CACHD1: variants seen among roughly 807,000 people sequenced by gnomAD.
CACHD1 encodes cache domain containing 1.
In CACHD1, 71 loss-of-function variants were observed where a neutral mutation model predicts 138.7. That is an observed-to-expected ratio of 0.51 (90% CI 0.42 to 0.62). The LOEUF (loss-of-function observed/expected upper bound fraction) is 0.62. Among genes scored for constraint, CACHD1 ranks in the 20% least tolerant of loss-of-function variants. The probability of loss-of-function intolerance (pLI) is 0.00; values close to 1 mark genes in which losing one functional copy is unlikely to be tolerated. For missense variants in CACHD1, 1,389 were observed against 1,625.3 expected, an observed-to-expected ratio of 0.85 and a Z score of 2.50; for synonymous variants, 578 against 591.5, an observed-to-expected ratio of 0.98 and a Z score of 0.33.
chr1:64,484,408 C>T (rs1646229383), intron 1 of CACHD1, among the ~76,000 whole-genome samples: 1 of 151,976 alleles, frequency 6.6e-6, no homozygotes, highest in South Asian at 2.1e-4. Context: ...GAAAGAAAGC[C>T]AGGCGGCTGA....
At chr1:64,592,608 G>A (rs1406046025) in intron 3 of CACHD1, among the ~76,000 whole-genome samples, 1 of 152,126 alleles carries the variant, frequency 6.6e-6, no homozygotes, top group Non-Finnish European at 1.5e-5. Context: ...AATTGAGGAT[G>A]GGGAGGTGGA....
intron 14 of CACHD1, chr1:64,664,189 T>A (rs1473907831): frequency 2.2e-6 from 1 of 454,576 alleles, no homozygotes; most frequent in African/African-American, 2.0e-5. Flanking sequence ...AAGTATAAAG[T>A]TTAAGGAACA....
At chr1:64,678,536 A>G (rs1650069699) in intron 23 of CACHD1, among the ~76,000 whole-genome samples, 1 of 152,214 alleles carries the variant, frequency 6.6e-6, no homozygotes, top group African/African-American at 2.4e-5. Flanking sequence ...CCTGGAATTC[A>G]TTCCCATAAA....
At chr1:64,619,515 C>G (rs1647833529) in intron 4 of CACHD1, among the ~76,000 whole-genome samples, 2 of 152,086 alleles carry the variant, frequency 1.3e-5, no homozygotes, top group South Asian at 4.1e-4. Flanking sequence ...ATTACTTTGT[C>G]AGTATTTTAT....
At chr1:64,504,132 G>A (rs1570310954) in intron 1 of CACHD1, among the ~76,000 whole-genome samples, 1 of 152,206 alleles carries the variant, frequency 6.6e-6, no homozygotes, top group African/African-American at 2.4e-5. Flanking sequence ...GGGCTCTAGC[G>A]ATCCTCCCAC....
At chr1:64,605,397 ACTTC>A (rs1217631617) in intron 4 of CACHD1, among the ~76,000 whole-genome samples, 1 of 152,286 alleles carries the variant, frequency 6.6e-6, no homozygotes, top group East Asian at 1.9e-4. Context: ...GGATATTTTT[ACTTC>A]CTTATTAATT....
chr1:64,539,382 G>GC (rs1262766638), intron 1 of CACHD1, among the ~76,000 whole-genome samples: 1 of 151,864 alleles, frequency 6.6e-6, no homozygotes, highest in African/African-American at 2.4e-5. Flanking sequence ...ATGCATAAAA[G>GC]CCAGCTCCTC....
chr1:64,655,665 A>C (rs1406593204), intron 12 of CACHD1, among the ~76,000 whole-genome samples: 1 of 152,234 alleles, frequency 6.6e-6, no homozygotes, highest in Non-Finnish European at 1.5e-5. Flanking sequence ...GCTTCAAAGA[A>C]TCATAGAGAA....
At position 64,594,052 on chromosome 1, in the gene CACHD1, G is replaced by A. The variant is rs150074699; in HGVS notation, c.411-8754G>A. ...GGGGATCATCTGAGGTTAGGAGTTC[G>A]AGACCAGCCTGTCCAACATGGTGAA... On this transcript the variant is annotated intron_variant, in intron 3 of 26. Transcript: ENST00000651257. 5.7e-3 allele frequency among the ~76,000 whole-genome samples: 866 copies of A among 152,106 alleles called. 26 individuals are homozygous for A. Among genetic ancestry groups the A allele is most frequent in the East Asian group, 4.5e-3 (23 of 5,158 alleles).
At chr1:64,576,903 G>GTT (rs201315669) in intron 2 of CACHD1, among the ~76,000 whole-genome samples, 95 of 147,890 alleles carry the variant, frequency 6.4e-4, no homozygotes, top group South Asian at 1.7e-3. Flanking sequence ...GGGTTTGTTT[G>GTT]TTTGTTTTTT....
intron 3 of CACHD1, among the ~76,000 whole-genome samples, chr1:64,597,597 TTTCAG>T (rs1183489741): frequency 6.7e-6 from 1 of 149,592 alleles, no homozygotes; most frequent in Non-Finnish European, 1.5e-5. Flanking sequence ...TGAAACTGAA[TTTCAG>T]ACACTGGTTT....
intron 26 of CACHD1, among the ~76,000 whole-genome samples, chr1:64,683,598 T>C (rs1166167674): frequency 6.6e-6 from 1 of 152,188 alleles, no homozygotes; most frequent in Non-Finnish European, 1.5e-5. Context: ...ACAGCTTAGA[T>C]AAAAGGAAGG....
chr1:64,600,128 G>A lies in CACHD1; in HGVS notation c.411-2678G>A, dbSNP rs1249678720. ...GGAGAAAGGGTTCATAACTTGGAGA[G>A]CAAAGTCCAGATGTCAGCTGCAGAT... is the stretch of plus-strand genomic sequence containing the variant. On this transcript the variant is annotated intron_variant, in intron 3 of 26. Transcript: ENST00000651257. Among the ~76,000 whole-genome samples the A allele has an allele frequency of 2.0e-5, 3 of 152,248 alleles. No individual in the cohort carries two copies. In the East Asian group the frequency reaches 5.8e-4, roughly 29 times the overall value.
In CACHD1 at chr1:64,582,314, T is replaced by C. The variant is rs1281652582; in HGVS notation, c.410+10T>C. 1 of 1,609,774 alleles carries C rather than the reference T, an allele frequency of 6.2e-7. No individual in the cohort carries two copies. The highest frequency in any genetic ancestry group is 1.3e-5 in the African/African-American group (1 of 74,834). ...CACCTTCCATGATGGAGTAAGACTT[T>C]AAAACTTTTTGTTGTTGTATAAACC... On this transcript the variant is annotated intron_variant, in intron 3 of 26. Transcript: ENST00000651257.
At chr1:64,639,635 A>G (rs559252386) in intron 7 of CACHD1, among the ~76,000 whole-genome samples, 14 of 152,380 alleles carry the variant, frequency 9.2e-5, no homozygotes, top group African/African-American at 3.4e-4. Flanking sequence ...TTCATATATT[A>G]TAAGTTAACT....
chr1:64,557,651 C>T (rs1646808582), intron 2 of CACHD1, among the ~76,000 whole-genome samples: 1 of 152,072 alleles, frequency 6.6e-6, no homozygotes, highest in Non-Finnish European at 1.5e-5. Flanking sequence ...ACAAAAGACC[C>T]TTTTCTTGAC....
In CACHD1 at chr1:64,691,497, C is replaced by T; in HGVS notation, c.3761C>T (p.Thr1254Ile). The stretch of plus-strand genomic sequence containing the variant: ...CACCACTACCGGTCACACCACCCTA[C>T]ACTTCATCATAGCCACCACTTACAG... ...KFHHYRSHHP[T>I]LHHSHHLQAA... Residue 1254 changes from threonine to isoleucine, a missense_variant, in exon 27 of 27, where the codon ACA becomes ATA. By Grantham distance (89) the Thr-to-Ile change is moderately conservative. Coordinates refer to ENST00000651257, the MANE Select transcript of CACHD1 (RefSeq NM_020925.4). 1 of 1,614,138 alleles carries T rather than the reference C, an allele frequency of 6.2e-7. No individual in the cohort carries two copies. The highest frequency in any genetic ancestry group is 1.1e-5 in the South Asian group (1 of 91,088).
At chr1:64,644,745 A>G (rs550378057) in intron 8 of CACHD1, among the ~76,000 whole-genome samples, 1 of 152,322 alleles carries the variant, frequency 6.6e-6, no homozygotes, top group Admixed American at 6.5e-5. Flanking sequence ...CCTTACTTAC[A>G]AATAGGGAAA....
chr1:64,527,040 C>T (rs1204161011), intron 1 of CACHD1, among the ~76,000 whole-genome samples: 1 of 152,196 alleles, frequency 6.6e-6, no homozygotes, highest in Non-Finnish European at 1.5e-5. Flanking sequence ...TACCTGATTT[C>T]TTCTCTTGAG....
Sources: allele counts gnomAD v4.1 joint callset (sites outside exome capture counted in the v4.1 genomes callset), GRCh38; gene constraint gnomAD v4.1.1; transcripts MANE v1.5; gene names NCBI Gene and HGNC (gene_info 2026-07-23, HGNC 2026-07-21).